Variants in PRKD3 observed in about 807,000 individuals in gnomAD.
PRKD3 encodes serine/threonine-protein kinase D3.
In PRKD3, 47 loss-of-function variants were observed where a neutral mutation model predicts 99.2. That is an observed-to-expected ratio of 0.47 (90% confidence interval 0.38 to 0.60). The LOEUF (loss-of-function observed/expected upper bound fraction) is 0.60, where lower values mean the gene tolerates loss of function less well. Among genes scored for constraint, PRKD3 ranks in the 20% least tolerant of loss-of-function variants. The pLI, the probability that PRKD3 is intolerant of heterozygous loss-of-function variation, is 0.00. For missense variants in PRKD3, 1,019 were observed against 1,088.4 expected (o/e 0.94, Z 0.90); for synonymous variants, 392 against 355.4 (o/e 1.10, Z -1.16).
intron 1 of PRKD3, among the ~76,000 whole-genome samples, chr2:37,319,412 G>T (rs1443196427): frequency 6.6e-6 from 1 of 152,066 alleles, no homozygotes; most frequent in Non-Finnish European, 1.5e-5. Flanking sequence ...AAGGCATAAA[G>T]AATATGCTTA....
chr2:37,285,231 GAA>G (rs1026178712), intron 6 of PRKD3, among the ~76,000 whole-genome samples: 3 of 152,086 alleles, frequency 2.0e-5, no homozygotes, highest in Non-Finnish European at 4.4e-5. Context: ...ACTCTACTGT[GAA>G]AAGTTTCTAC....
chr2:37,267,223 A>G (rs1023377697), intron 14 of PRKD3, among the ~76,000 whole-genome samples: 1 of 152,170 alleles, frequency 6.6e-6, no homozygotes, highest in African/African-American at 2.4e-5. Flanking sequence ...TGAATTAAGA[A>G]TGAAATTTTA....
intron 16 of PRKD3, 39 bp downstream of exon 16, chr2:37,259,544 T>G (rs1319869919): frequency 6.7e-7 from 1 of 1,487,516 alleles, no homozygotes. Context: ...TTTGAAAATG[T>G]TGCCAGAATC....
chr2:37,291,725 A>C lies in PRKD3; in HGVS notation c.428-726T>G, dbSNP rs1670435776. 2.6e-5 allele frequency among the ~76,000 whole-genome samples: 4 copies of C among 152,210 alleles called. No individual in the cohort carries two copies. In the South Asian group the frequency reaches 8.3e-4, roughly 32 times the overall value. On this transcript the variant is annotated intron_variant, in intron 3 of 18. Coordinates refer to ENST00000234179, the MANE Select transcript of PRKD3 (RefSeq NM_005813.6). ...TGAGATGAATGAGAGAATCAGAAAT[A>C]TAAGATGAGAGGAGTGGGGACTAAT...
rs1667436513 is a variant in PRKD3, at chr2:37,250,918, T to C, written c.*2259A>G. The C allele has an allele frequency of 1.3e-5, 2 of 152,662 alleles. No homozygotes were observed. The highest frequency in any genetic ancestry group is 6.5e-5 in the Admixed American group (1 of 15,282). The allele number at this position is 152,662 out of a possible 1,614,324, so 9.5% of individuals were successfully genotyped here. A position where few individuals can be genotyped will look rare whatever the true frequency, so the allele number is the denominator to read the frequency against. On this transcript the variant is annotated 3_prime_UTR_variant, in exon 19 of 19. Transcript: ENST00000234179. The stretch of plus-strand genomic sequence containing the variant: ...ACAGTATCTGGAATAATCATTCAAC[T>C]CCAGATTCTCTGACAGTGCCTTTAC...
rs370419695 is a variant in PRKD3, at chr2:37,253,128, A to T, written c.*49T>A. 6.6e-7 allele frequency: 1 copy of T among 1,514,572 alleles called. No individual in the cohort carries two copies. Among genetic ancestry groups the T allele is most frequent in the African/African-American group, 1.4e-5 (1 of 72,394 alleles). 93.8% of individuals were successfully genotyped at this position (1,514,572 alleles called of 1,614,324 possible). On this transcript the variant is annotated 3_prime_UTR_variant, in exon 19 of 19. Coordinates refer to ENST00000234179, the MANE Select transcript of PRKD3 (RefSeq NM_005813.6). ...TACAAAGAACAAGTTACACAGCAAA[A>T]TATCAGTCCATAAAATGAAATCCTT... is the stretch of plus-strand genomic sequence containing the variant.
Position 37,254,197 on chromosome 2 carries a change from T to A in PRKD3, c.2499+7A>T. On this transcript the variant is annotated splice_region_variant and intron_variant, in intron 18 of 18. Transcript: ENST00000234179. Reference sequence around the variant, plus strand: ...GATTGCCAAAGAGAGATTACATTTTTTTTTACCTGTAGCCAGGGATGACTA... The same window carrying A: ...GATTGCCAAAGAGAGATTACATTTTATTTTACCTGTAGCCAGGGATGACTA... The A allele has an allele frequency of 6.3e-7, 1 of 1,598,538 alleles. No homozygotes were observed.
chr2:37,263,624 T>G (rs1214607000), intron 14 of PRKD3, among the ~76,000 whole-genome samples: 1 of 152,210 alleles, frequency 6.6e-6, no homozygotes, highest in Non-Finnish European at 1.5e-5. Flanking sequence ...TTCATTTCAT[T>G]TAATGTGTTT....
intron 8 of PRKD3, chr2:37,278,513 C>T (rs13421912): frequency 0.097 from 14,746 of 152,278 alleles, 1,111 homozygotes; most frequent in East Asian, 0.35. Flanking sequence ...GAAAATGTAA[C>T]AAGTCAAATC....
chr2:37,307,257 T>C (rs1164016726), intron 2 of PRKD3, among the ~76,000 whole-genome samples: 3 of 152,132 alleles, frequency 2.0e-5, no homozygotes, highest in African/African-American at 7.2e-5. Flanking sequence ...GCCAGTAAAA[T>C]AGTCCAAAGT....
At chr2:37,320,691 C>G (rs532161257) in intron 1 of PRKD3, among the ~76,000 whole-genome samples, 2 of 152,144 alleles carry the variant, frequency 1.3e-5, no homozygotes, top group African/African-American at 4.8e-5. Flanking sequence ...CTCGGCCTCC[C>G]AAAGTGCTGG....
intron 10 of PRKD3, among the ~76,000 whole-genome samples, chr2:37,274,973 T>C (rs955485992): frequency 6.6e-6 from 1 of 152,188 alleles, no homozygotes; most frequent in Non-Finnish European, 1.5e-5. Flanking sequence ...TCTGCCACTA[T>C]ATCCAACACT....
At position 37,286,246 on chromosome 2, in the gene PRKD3, G is replaced by A. The variant is rs1441572576; in HGVS notation, c.841C>T (p.Arg281Cys). ...PHTFAVHSYT[R>C]PTICQYCKRL... ...TTGCAGTACTGACATATCGTGGGACGGGTGTAAGAGTGAACAGCAAATGTG... is the reference window on the plus strand; with the variant it reads ...TTGCAGTACTGACATATCGTGGGACAGGTGTAAGAGTGAACAGCAAATGTG... The change falls in exon 6 of 19, where the codon CGT becomes TGT. Residue 281 changes from arginine to cysteine, a missense_variant. Physicochemically the swap from Arg to Cys is radical, Grantham distance 180. Transcript: ENST00000234179. 4 of 1,613,914 alleles carry A rather than the reference G, an allele frequency of 2.5e-6. No individual in the cohort carries two copies. The highest frequency in any genetic ancestry group is 1.1e-5 in the South Asian group (1 of 91,062).
intron 13 of PRKD3, chr2:37,267,846 G>A: frequency 3.7e-6 from 1 of 268,732 alleles, no homozygotes; most frequent in South Asian, 5.0e-5. Context: ...GTCCTTCAGA[G>A]ACTCTGTCAA....
rs1333121169 is a variant in PRKD3, at chr2:37,316,607, A to C, written c.-83T>G. On this transcript the variant is annotated 5_prime_UTR_variant, in exon 2 of 19. Transcript: ENST00000234179. ...GGTTTTTAAAATAACAGCAGTAAAG[A>C]AAATGACCGCACTTTTGGATTTAGT... is the stretch of plus-strand genomic sequence containing the variant. The C allele has an allele frequency of 1.3e-6, 2 of 1,520,258 alleles. No individual in the cohort carries two copies. Among genetic ancestry groups the C allele is most frequent in the East Asian group, 4.6e-5 (2 of 43,878 alleles). 94.2% of individuals were successfully genotyped at this position (1,520,258 alleles called of 1,614,324 possible).
chr2:37,255,311 AAAAC>A (rs1558520232), intron 17 of PRKD3, among the ~76,000 whole-genome samples: 1 of 98,996 alleles, frequency 1.0e-5, no homozygotes, highest in African/African-American at 4.4e-5. Context: ...TACTTTTGGA[AAAAC>A]AAAAAAGATC....
intron 17 of PRKD3, among the ~76,000 whole-genome samples, chr2:37,254,543 G>C (rs1667781058): frequency 6.6e-6 from 1 of 152,224 alleles, no homozygotes; most frequent in South Asian, 2.1e-4. Context: ...GAACCTGACT[G>C]CCTGGGCTGA....
chr2:37,258,204 G>A (rs930644224), intron 16 of PRKD3, among the ~76,000 whole-genome samples: 1 of 152,202 alleles, frequency 6.6e-6, no homozygotes, highest in African/African-American at 2.4e-5. Flanking sequence ...CCTAGAAAAC[G>A]AAGTGAAGTT....
At chr2:37,320,594 G>A (rs1671843189) in intron 1 of PRKD3, among the ~76,000 whole-genome samples, 2 of 151,768 alleles carry the variant, frequency 1.3e-5, no homozygotes, top group Admixed American at 1.3e-4. Context: ...ACCATACCTG[G>A]CTCATTTTTG....
Sources: allele counts gnomAD v4.1 joint callset (sites outside exome capture counted in the v4.1 genomes callset), GRCh38; gene constraint gnomAD v4.1.1; transcripts MANE v1.5; gene names NCBI Gene and HGNC (gene_info 2026-07-23, HGNC 2026-07-21).